Variants in DAB1 observed in about 807,000 individuals in gnomAD.
DAB1 encodes the protein DAB adaptor protein 1.
A neutral mutation model predicts 64.6 loss-of-function variants in DAB1; 15 were observed. The ratio of observed to expected loss-of-function variants is 0.23; its 90% CI spans 0.16 to 0.36. The LOEUF (loss-of-function observed/expected upper bound fraction) is 0.36. Ranked by LOEUF, DAB1 falls within the 10% of genes least tolerant of loss-of-function variation. The pLI is 1.00. For synonymous variants in DAB1, 235 were observed against 251.9 expected (o/e 0.93, Z 0.64); for missense variants, 596 against 706.7 (o/e 0.84, Z 1.78).
intron 3 of DAB1, among the ~76,000 whole-genome samples, chr1:58,498,595 T>C (rs963212214): frequency 2.0e-5 from 3 of 152,270 alleles, no homozygotes; most frequent in East Asian, 1.9e-4. Flanking sequence ...ATAATGCCTA[T>C]ATGGCTACTT....
intron 7 of DAB1, among the ~76,000 whole-genome samples, chr1:57,483,950 C>T (rs193102761): frequency 6.0e-4 from 91 of 152,174 alleles, no homozygotes; most frequent in African/African-American, 1.4e-3. Flanking sequence ...GGAAAATCAA[C>T]GAATAAACAA....
At chr1:57,095,440 A>G (rs1386188070) in intron 4 of DAB1, among the ~76,000 whole-genome samples, 2 of 152,214 alleles carry the variant, frequency 1.3e-5, no homozygotes, top group Non-Finnish European at 2.9e-5. Flanking sequence ...GAAACTTTGC[A>G]TAGATATCAC....
At chr1:57,967,536 T>C (rs1032778523) in intron 5 of DAB1, among the ~76,000 whole-genome samples, 1 of 152,202 alleles carries the variant, frequency 6.6e-6, no homozygotes, top group Non-Finnish European at 1.5e-5. Flanking sequence ...AAAGGCTTAC[T>C]AGCACCCAAA....
chr1:58,124,147 C>T (rs1652915114), intron 5 of DAB1, among the ~76,000 whole-genome samples: 1 of 151,320 alleles, frequency 6.6e-6, no homozygotes, highest in Non-Finnish European at 1.5e-5. Flanking sequence ...TTGGGATGCA[C>T]GTGGAATAAA....
At chr1:57,892,395 G>T (rs1008967062) in intron 5 of DAB1, among the ~76,000 whole-genome samples, 1 of 152,174 alleles carries the variant, frequency 6.6e-6, no homozygotes, top group African/African-American at 2.4e-5. Flanking sequence ...AATGCTTTTT[G>T]AATACTTATG....
At chr1:58,450,894 A>G (rs1645128650) in intron 3 of DAB1, among the ~76,000 whole-genome samples, 1 of 152,212 alleles carries the variant, frequency 6.6e-6, no homozygotes, top group Non-Finnish European at 1.5e-5. Context: ...TGAGAAGGGC[A>G]CTACACCTGT....
chr1:57,384,135 G>A (rs1681600221), intron 1 of DAB1, among the ~76,000 whole-genome samples: 1 of 152,160 alleles, frequency 6.6e-6, no homozygotes, highest in Non-Finnish European at 1.5e-5. Context: ...ACAAGCATTT[G>A]AAAAGATGCC....
intron 4 of DAB1, among the ~76,000 whole-genome samples, chr1:58,326,796 C>A (rs1662835307): frequency 6.6e-6 from 1 of 152,188 alleles, no homozygotes; most frequent in Non-Finnish European, 1.5e-5. Context: ...TTATTGTCTT[C>A]TGGGTCCGCA....
At chr1:57,192,396 C>T (rs1334419881) in intron 2 of DAB1, among the ~76,000 whole-genome samples, 3 of 151,774 alleles carry the variant, frequency 2.0e-5, no homozygotes, top group Non-Finnish European at 2.9e-5. Flanking sequence ...CCAGCCCTTC[C>T]ACTTACTAGA....
chr1:58,299,114 A>G (rs990961255), intron 4 of DAB1, among the ~76,000 whole-genome samples: 5 of 152,176 alleles, frequency 3.3e-5, no homozygotes, highest in African/African-American at 9.6e-5. Context: ...GACTACTGAT[A>G]AAGGAACTTT....
chr1:57,912,994 A>C (rs1644670453), intron 5 of DAB1, among the ~76,000 whole-genome samples: 1 of 152,254 alleles, frequency 6.6e-6, no homozygotes, highest in Admixed American at 6.5e-5. Context: ...GGAAGAATCA[A>C]TATCGTGAAA....
In DAB1 at chr1:58,125,441, CTT is replaced by C. The variant is rs56791592; in HGVS notation, n.387+25068_387+25069del. Among the ~76,000 whole-genome samples the C allele has an allele frequency of 4.0e-3, 548 of 138,248 alleles. 17 individuals carry two copies. The East Asian group carries it at 0.074, about 19-fold the overall frequency. The allele number at this position is 138,248 out of a possible 152,430, so 90.7% of individuals were successfully genotyped here. ...CATAATACTTACATATCACTTGATA[CTT>C]TTTTTTTTTTTTTTCGAGACAGGAT... On this transcript the variant is annotated intron_variant and non_coding_transcript_variant, in intron 5 of 20. Coordinates refer to the DAB1 transcript ENST00000485760.
At chr1:58,376,634 G>A (rs1344689719) in intron 3 of DAB1, among the ~76,000 whole-genome samples, 2 of 146,022 alleles carry the variant, frequency 1.4e-5, no homozygotes, top group African/African-American at 2.6e-5. Context: ...GTGGTGTGGT[G>A]CTGAAAAAAA....
chr1:58,308,558 T>G (rs541627828), intron 4 of DAB1, among the ~76,000 whole-genome samples: 1 of 152,046 alleles, frequency 6.6e-6, no homozygotes. Context: ...CCAGAATGCA[T>G]GTGAGTCTCA....
chr1:57,430,072 G>C (rs570728128), intron 7 of DAB1, among the ~76,000 whole-genome samples: 1 of 152,116 alleles, frequency 6.6e-6, no homozygotes, highest in Non-Finnish European at 1.5e-5. Context: ...CAATTGCTTT[G>C]GATAGTATGG....
intron 1 of DAB1, among the ~76,000 whole-genome samples, chr1:57,315,697 T>C (rs548512662): frequency 1.3e-5 from 2 of 152,174 alleles, no homozygotes; most frequent in South Asian, 4.2e-4. Context: ...AGAGACGGGG[T>C]CTCACCATGT....
intron 5 of DAB1, among the ~76,000 whole-genome samples, chr1:57,980,921 A>C (rs1646049931): frequency 6.6e-6 from 1 of 151,948 alleles, no homozygotes; most frequent in Non-Finnish European, 1.5e-5. Flanking sequence ...ATACACACAC[A>C]CACACACACA....
At chr1:57,558,318 T>C (rs529985955) in intron 7 of DAB1, among the ~76,000 whole-genome samples, 3 of 152,230 alleles carry the variant, frequency 2.0e-5, no homozygotes, top group African/African-American at 7.2e-5. Context: ...CCTGAGGCAG[T>C]TGCCAAGCAA....
chr1:57,277,306 T>C (rs186949782), intron 2 of DAB1, among the ~76,000 whole-genome samples: 1 of 152,322 alleles, frequency 6.6e-6, no homozygotes, highest in African/African-American at 2.4e-5. Context: ...TCTATTCATA[T>C]AAAATATGAA....
Sources: gnomAD v4.1 joint callset for allele counts (sites outside exome capture counted in the v4.1 genomes callset) on GRCh38, gnomAD v4.1.1 for gene constraint, MANE v1.5 for transcripts, NCBI Gene and HGNC (gene_info 2026-07-23, HGNC 2026-07-21) for gene names.